LPCAT2: variants seen among roughly 807,000 people sequenced by gnomAD.
LPCAT2 encodes the protein 1-AGP acyltransferase 11.
A neutral mutation model predicts 64.7 loss-of-function variants in LPCAT2; 58 were observed. The ratio of observed to expected loss-of-function variants is 0.90; its 90% confidence interval spans 0.73 to 1.12. LPCAT2 has a LOEUF of 1.12. LPCAT2 is among the 50% of genes most tolerant of loss of function. LPCAT2 has a pLI of 0.00. For synonymous variants in LPCAT2, 252 were observed against 245.3 expected (o/e 1.03, Z -0.26); for missense variants, 579 against 669.8 (o/e 0.86, Z 1.50).
rs1260225629 is a variant in LPCAT2 at position 55,584,818 on chromosome 16, A to G, written c.*1720A>G. On this transcript the variant is annotated 3_prime_UTR_variant, in exon 14 of 14. Transcript: ENST00000262134. ...ATATCTGAAAATTTTATCCTTAAGT[A>G]TATATAATTATTTGCCTCTTATATG... 1 of 152,196 alleles carries G rather than the reference A, an allele frequency of 6.6e-6. No homozygotes were observed. 9.4% of individuals were successfully genotyped at this position (152,196 alleles called of 1,614,324 possible).
intron 8 of LPCAT2, chr16:55,541,258 G>T (rs1442408839): frequency 1.3e-5 from 2 of 151,818 alleles, no homozygotes; most frequent in East Asian, 3.9e-4. Flanking sequence ...TCTGTTGTGG[G>T]CTTTTCATTT....
At chr16:55,544,636 A>G (rs147874613) in intron 8 of LPCAT2, among the ~76,000 whole-genome samples, 79 of 152,332 alleles carry the variant, frequency 5.2e-4, no homozygotes, top group African/African-American at 1.9e-3. Flanking sequence ...TAAAAAGCCA[A>G]CATCAAGTAT....
At chr16:55,514,673 T>A (rs1347544652) in intron 1 of LPCAT2, among the ~76,000 whole-genome samples, 1 of 152,164 alleles carries the variant, frequency 6.6e-6, no homozygotes, top group African/African-American at 2.4e-5. Flanking sequence ...TTGCAAGGTG[T>A]GTAAAGAAAA....
chr16:55,511,611 AC>A (rs1457084006), intron 1 of LPCAT2, among the ~76,000 whole-genome samples: 1 of 152,228 alleles, frequency 6.6e-6, no homozygotes, highest in African/African-American at 2.4e-5. Context: ...AGAGAAGGCC[AC>A]CCAATGGAGA....
intron 13 of LPCAT2, among the ~76,000 whole-genome samples, chr16:55,581,963 TTCCTA>T (rs1308804375): frequency 6.6e-6 from 1 of 152,202 alleles, no homozygotes; most frequent in Admixed American, 6.5e-5. Context: ...ATTGTACACT[TTCCTA>T]TCCATTATTG....
chr16:55,566,848 A>G (rs1963703969), intron 11 of LPCAT2: 1 of 1,613,814 alleles, frequency 6.2e-7, no homozygotes, highest in Admixed American at 1.7e-5. Context: ...CAGAGAAGAG[A>G]AGGAGGAGGA....
chr16:55,568,385 C>G (rs1339989807), intron 11 of LPCAT2, among the ~76,000 whole-genome samples: 6 of 152,120 alleles, frequency 3.9e-5, no homozygotes, highest in African/African-American at 1.4e-4. Flanking sequence ...TCTTTGAAAA[C>G]TACAGGCAGG....
chr16:55,537,733 G>T, intron 8 of LPCAT2, 101 bp downstream of exon 8: 2 of 937,674 alleles, frequency 2.1e-6, no homozygotes, highest in South Asian at 3.1e-5. Context: ...CCATCACCAG[G>T]TGTTTTACAA....
rs201303639 is a variant in LPCAT2, at chr16:55,566,760, T to A, written c.1216-7871T>A. ...ATTTGCTTGTTAAACTGAAAGCATG[T>A]TTCTTGCAAAGGCTCTATTGGAAGG... On this transcript the variant is annotated intron_variant, in intron 11 of 13. Coordinates refer to ENST00000262134, the MANE Select transcript of LPCAT2 (RefSeq NM_017839.5). The A allele has an allele frequency of 3.5e-5, 56 of 1,601,878 alleles. No individual in the cohort carries two copies. In the African/African-American group the frequency reaches 5.6e-4, roughly 16 times the overall value.
At chr16:55,535,730 A>T (rs1283015399) in intron 7 of LPCAT2, among the ~76,000 whole-genome samples, 2 of 152,212 alleles carry the variant, frequency 1.3e-5, no homozygotes, top group Admixed American at 1.3e-4. Context: ...TGCATAGCAT[A>T]CTTCCACTTT....
intron 8 of LPCAT2, 127 bp from the exon 9 acceptor site, chr16:55,545,608 A>G (rs1198635816): frequency 4.8e-6 from 3 of 627,104 alleles, no homozygotes; most frequent in Non-Finnish European, 8.4e-6. Flanking sequence ...GTGCCCCATT[A>G]CCTCATATAA....
intron 7 of LPCAT2, among the ~76,000 whole-genome samples, chr16:55,534,833 C>A (rs1322584710): frequency 6.6e-6 from 1 of 152,050 alleles, no homozygotes; most frequent in East Asian, 1.9e-4. Flanking sequence ...TGTCTCTATC[C>A]TTACTTACTA....
chr16:55,550,667 A>G (rs895225821), intron 10 of LPCAT2, among the ~76,000 whole-genome samples: 2 of 152,248 alleles, frequency 1.3e-5, no homozygotes, highest in Admixed American at 6.5e-5. Context: ...TATAATCCCA[A>G]CACCTTGGGA....
chr16:55,513,190 C>A (rs1431264567), intron 1 of LPCAT2, among the ~76,000 whole-genome samples: 1 of 151,994 alleles, frequency 6.6e-6, no homozygotes, highest in Non-Finnish European at 1.5e-5. Context: ...TTGAAAGGAG[C>A]TATTATAAAA....
In LPCAT2 at chr16:55,528,566, T is replaced by C; in HGVS notation, c.501T>C (p.Asn167=). 1 of 1,613,626 alleles carries C rather than the reference T, an allele frequency of 6.2e-7. No homozygotes were observed. The highest frequency in any genetic ancestry group is 8.5e-7 in the Non-Finnish European group (1 of 1,179,646). ...GGTTACCTTCTATGGTATCTCGAAA[T>C]GAGAATGCACAAGTCCCTCTGATTG... The part of the protein sequence containing the change: ...VAGLPSMVSR[N]ENAQVPLIGR... Residue 167 remains asparagine, a synonymous_variant, in exon 3 of 14, where the codon AAT becomes AAC. Transcript: ENST00000262134.
At chr16:55,552,585 G>C (rs907757315) in intron 11 of LPCAT2, among the ~76,000 whole-genome samples, 2 of 152,190 alleles carry the variant, frequency 1.3e-5, no homozygotes, top group Non-Finnish European at 2.9e-5. Context: ...TTTGGTTCTA[G>C]CACTGCAATA....
At chr16:55,559,840 C>T (rs374756287) in intron 11 of LPCAT2, among the ~76,000 whole-genome samples, 20 of 150,180 alleles carry the variant, frequency 1.3e-4, no homozygotes, top group African/African-American at 4.9e-4. Context: ...GTATAAGCTG[C>T]CTTGAAAGTT....
intron 12 of LPCAT2, among the ~76,000 whole-genome samples, chr16:55,576,096 T>C (rs150426456): frequency 1.8e-4 from 27 of 152,190 alleles, no homozygotes; most frequent in Admixed American, 1.8e-3. Flanking sequence ...GTAATTACGA[T>C]TTGAAAGAAG....
At chr16:55,565,316 A>C (rs1963681720) in intron 11 of LPCAT2, among the ~76,000 whole-genome samples, 1 of 152,084 alleles carries the variant, frequency 6.6e-6, no homozygotes, top group Non-Finnish European at 1.5e-5. Context: ...TAAAAAGATA[A>C]AAATAGAATT....
Sources: gnomAD v4.1 joint callset for allele counts (sites outside exome capture counted in the v4.1 genomes callset) on GRCh38, gnomAD v4.1.1 for gene constraint, MANE v1.5 for transcripts, NCBI Gene and HGNC (gene_info 2026-07-23, HGNC 2026-07-21) for gene names.